WDFY3: variants seen among roughly 807,000 people sequenced by gnomAD.
WDFY3 encodes the protein WD repeat and FYVE domain containing 3.
WDFY3 carries 66 observed loss-of-function variants against 409.6 expected under a neutral mutation model. The ratio of observed to expected loss-of-function variants is 0.16; its 90% CI spans 0.13 to 0.20. WDFY3 has a LOEUF of 0.20. Among genes scored for constraint, WDFY3 ranks in the 10% least tolerant of loss-of-function variants. WDFY3 has a pLI of 1.00. For missense variants in WDFY3, 3,031 were observed against 4,298.1 expected, an observed-to-expected ratio of 0.71 and a Z score of 8.24; for synonymous variants, 1,521 against 1,537.1, an observed-to-expected ratio of 0.99 and a Z score of 0.25.
At chr4:84,943,251 A>C (rs900295577) in intron 1 of WDFY3, among the ~76,000 whole-genome samples, 28 of 152,144 alleles carry the variant, frequency 1.8e-4, no homozygotes, top group African/African-American at 6.0e-4. Flanking sequence ...CCTGTAATCC[A>C]AGCACTTTGG....
chr4:84,689,724 T>C (rs1390200589), intron 61 of WDFY3, among the ~76,000 whole-genome samples: 1 of 152,192 alleles, frequency 6.6e-6, no homozygotes, highest in Non-Finnish European at 1.5e-5. Context: ...CTAACCTGTG[T>C]CTTTTTCAGG....
At chr4:84,702,291 ACTTATTT>A in intron 56 of WDFY3, 55 bp downstream of exon 56, 1 of 1,477,332 alleles carries the variant, frequency 6.8e-7, no homozygotes, top group East Asian at 2.4e-5. Context: ...CAGAGAAGTG[ACTTATTT>A]CTATTGGACT....
intron 30 of WDFY3, among the ~76,000 whole-genome samples, chr4:84,767,598 T>C (rs1169886202): frequency 6.6e-6 from 1 of 151,060 alleles, no homozygotes; most frequent in Non-Finnish European, 1.5e-5. Flanking sequence ...AAACTGAAAG[T>C]GCTACTCCAG....
chr4:84,904,133 T>C (rs1766697723), intron 2 of WDFY3, among the ~76,000 whole-genome samples: 2 of 152,228 alleles, frequency 1.3e-5, no homozygotes, highest in Admixed American at 6.5e-5. Context: ...GAAGGTCCTG[T>C]CTGTGAACCA....
At chr4:84,699,746 C>T (rs1730776002) in intron 56 of WDFY3, among the ~76,000 whole-genome samples, 1 of 152,042 alleles carries the variant, frequency 6.6e-6, no homozygotes, top group African/African-American at 2.4e-5. Context: ...CCATTATGGT[C>T]ATCCTAGTAA....
At chr4:84,948,858 C>G (rs748555848) in intron 1 of WDFY3, among the ~76,000 whole-genome samples, 7 of 152,136 alleles carry the variant, frequency 4.6e-5, no homozygotes, top group Non-Finnish European at 1.0e-4. Flanking sequence ...TACCCACAGA[C>G]AGAATTATCT....
intron 51 of WDFY3, among the ~76,000 whole-genome samples, chr4:84,711,174 G>T (rs933009845): frequency 6.6e-5 from 10 of 152,196 alleles, no homozygotes; most frequent in Non-Finnish European, 1.3e-4. Flanking sequence ...GATATAAATG[G>T]AACTGGGTCT....
chr4:84,739,996 A>C lies in WDFY3; in HGVS notation c.6464+191T>G, dbSNP rs182127401. 7.5e-4 allele frequency among the ~76,000 whole-genome samples: 114 copies of C among 152,262 alleles called. No homozygotes were observed. The East Asian group carries it at 0.019, about 26-fold the overall frequency. On this transcript the variant is annotated intron_variant, in intron 39 of 67. Coordinates refer to ENST00000295888, the MANE Select transcript of WDFY3 (RefSeq NM_014991.6). ...AAAATTTTAAAGGTGTAGAAAACTA[A>C]GTTAAAGGAAAAAAAAATACCCATT...
chr4:84,901,354 C>T (rs1482867014), intron 2 of WDFY3, among the ~76,000 whole-genome samples: 3 of 152,048 alleles, frequency 2.0e-5, no homozygotes, highest in Non-Finnish European at 4.4e-5. Flanking sequence ...GGATTAAGGT[C>T]CTCGTGGGGA....
intron 27 of WDFY3, 59 bp downstream of exon 27, chr4:84,778,444 A>G: frequency 7.1e-7 from 1 of 1,405,968 alleles, no homozygotes; most frequent in South Asian, 1.7e-5. Flanking sequence ...GTTTATAATC[A>G]TATGGAGTAA....
chr4:84,692,975 C>T lies in WDFY3; in HGVS notation c.8959G>A (p.Ala2987Thr). The change falls in exon 59 of 68, where the codon GCA becomes ACA. Residue 2987 changes from alanine to threonine, a missense_variant. By Grantham distance (58) the Ala-to-Thr change is moderately conservative. This residue lies in a region of WDFY3 where 152 missense variants were observed against 193.5 expected (regional missense o/e 0.79). Coordinates refer to ENST00000295888, the MANE Select transcript of WDFY3 (RefSeq NM_014991.6). ...RVRSRLNGDN[A>T]GISVLPGSTS... The stretch of plus-strand genomic sequence containing the variant: ...GATCCTGGTAGGACAGAGATTCCTG[C>T]ATTGTCTCCATTGAGTCGACTTCTC... 6.2e-7 allele frequency: 1 copy of T among 1,613,064 alleles called. No homozygotes were observed. Among genetic ancestry groups the T allele is most frequent in the African/African-American group, 1.3e-5 (1 of 75,008 alleles).
intron 15 of WDFY3, among the ~76,000 whole-genome samples, chr4:84,804,563 A>G (rs1303629525): frequency 6.6e-6 from 1 of 152,078 alleles, no homozygotes; most frequent in Non-Finnish European, 1.5e-5. Flanking sequence ...TCATGTTTTC[A>G]CTCCCTGTAT....
intron 63 of WDFY3, among the ~76,000 whole-genome samples, chr4:84,683,307 A>G (rs1191008976): frequency 6.6e-6 from 1 of 152,166 alleles, no homozygotes; most frequent in African/African-American, 2.4e-5. Flanking sequence ...GACTCTGACT[A>G]AAGAGGGTGG....
chr4:84,695,498 A>G (rs1729948559), intron 58 of WDFY3, among the ~76,000 whole-genome samples: 1 of 127,754 alleles, frequency 7.8e-6, no homozygotes, highest in African/African-American at 3.3e-5. Context: ...ACACACAGAG[A>G]CAGAGAGAGA....
At chr4:84,858,239 C>CATT (rs1046089988) in intron 4 of WDFY3, among the ~76,000 whole-genome samples, 2 of 152,096 alleles carry the variant, frequency 1.3e-5, no homozygotes, top group Non-Finnish European at 2.9e-5. Flanking sequence ...ATAAGGTTGA[C>CATT]ATTATTATTA....
intron 8 of WDFY3, among the ~76,000 whole-genome samples, chr4:84,830,899 C>G (rs1755613701): frequency 6.6e-6 from 1 of 151,926 alleles, no homozygotes; most frequent in African/African-American, 2.4e-5. Context: ...TTAGAAATAT[C>G]CATTGTTGGC....
chr4:84,891,774 C>G (rs994203885), intron 3 of WDFY3, among the ~76,000 whole-genome samples: 5 of 152,106 alleles, frequency 3.3e-5, no homozygotes, highest in African/African-American at 1.2e-4. Flanking sequence ...CTTATGGAAA[C>G]TCTACTTTTT....
intron 62 of WDFY3, 69 bp from the exon 63 acceptor site, chr4:84,684,194 T>C (rs913754536): frequency 6.5e-5 from 93 of 1,420,482 alleles, no homozygotes; most frequent in Middle Eastern, 2.5e-4. Flanking sequence ...CTGAAGCAAA[T>C]TGAATCCCTG....
chr4:84,935,505 G>A (rs370848093), intron 1 of WDFY3, among the ~76,000 whole-genome samples: 3 of 151,988 alleles, frequency 2.0e-5, no homozygotes, highest in South Asian at 2.1e-4. Flanking sequence ...ATTTTCTCTC[G>A]TATGAAATGC....
Sources: allele counts gnomAD v4.1 joint callset (sites outside exome capture counted in the v4.1 genomes callset), GRCh38; gene constraint gnomAD v4.1.1; regional missense constraint gnomAD v4.1.1; transcripts MANE v1.5; gene names NCBI Gene and HGNC (gene_info 2026-07-23, HGNC 2026-07-21).